Variants in GDAP1 observed in about 807,000 individuals in gnomAD.
GDAP1 encodes ganglioside-induced differentiation-associated protein 1.
In GDAP1, 34 loss-of-function variants were observed where a neutral mutation model predicts 40.1. That is an observed-to-expected ratio of 0.85 (90% CI 0.64 to 1.13). The LOEUF (loss-of-function observed/expected upper bound fraction) is 1.13. Among genes scored for constraint, GDAP1 ranks in the 50% most tolerant of loss-of-function variants. GDAP1 has a pLI of 0.00. For synonymous variants in GDAP1, 170 were observed against 157.4 expected (o/e 1.08, Z -0.60); for missense variants, 374 against 433.7 (o/e 0.86, Z 1.22).
At chr8:74,483,285 A>T (rs187698435) in intron 2 of GDAP1, among the ~76,000 whole-genome samples, 2 of 152,322 alleles carry the variant, frequency 1.3e-5, no homozygotes, top group East Asian at 3.9e-4. Flanking sequence ...ATAAACACAC[A>T]ATAACAGTAG....
chr8:74,413,178 A>G (rs1805737000), intron 2 of GDAP1, among the ~76,000 whole-genome samples: 1 of 148,374 alleles, frequency 6.7e-6, no homozygotes, highest in Non-Finnish European at 1.5e-5. Context: ...CTGTTTCAGG[A>G]TAAGATGAAG....
At chr8:74,465,162 G>C (rs1806452858) in intron 2 of GDAP1, among the ~76,000 whole-genome samples, 1 of 152,094 alleles carries the variant, frequency 6.6e-6, no homozygotes. Context: ...GGAGGTTGCA[G>C]TGAGCTGAGA....
At chr8:74,433,855 A>G (rs1806056505) in intron 2 of GDAP1, among the ~76,000 whole-genome samples, 1 of 152,136 alleles carries the variant, frequency 6.6e-6, no homozygotes, top group Admixed American at 6.6e-5. Flanking sequence ...AACTTTGGAT[A>G]CTGAAGGCCT....
intron 2 of GDAP1, among the ~76,000 whole-genome samples, chr8:74,434,046 C>G (rs1396606907): frequency 6.6e-6 from 1 of 152,178 alleles, no homozygotes; most frequent in African/African-American, 2.4e-5. Context: ...GTACCTTTGC[C>G]TACAGTAAAC....
intron 2 of GDAP1, among the ~76,000 whole-genome samples, chr8:74,399,216 A>G (rs1416565302): frequency 2.0e-5 from 3 of 150,350 alleles, no homozygotes; most frequent in African/African-American, 7.6e-5. Context: ...GATTATTCCC[A>G]CAATTTCAGA....
At chr8:74,404,365 T>C (rs1274103484) in intron 2 of GDAP1, among the ~76,000 whole-genome samples, 3 of 149,560 alleles carry the variant, frequency 2.0e-5, no homozygotes, top group Non-Finnish European at 2.9e-5. Flanking sequence ...ATAGTAATAG[T>C]AATATCATTT....
intron 2 of GDAP1, among the ~76,000 whole-genome samples, chr8:74,401,541 C>A (rs1239199679): frequency 6.7e-6 from 1 of 150,064 alleles, no homozygotes; most frequent in Non-Finnish European, 1.5e-5. Flanking sequence ...CTGAAGCCTT[C>A]TTCTCTCAAC....
At chr8:74,354,016 A>G (rs574573997) in intron 2 of GDAP1, among the ~76,000 whole-genome samples, 1 of 152,276 alleles carries the variant, frequency 6.6e-6, no homozygotes, top group East Asian at 1.9e-4. Context: ...TCTTGATTTA[A>G]GTAGAACATT....
intron 5 of GDAP1, 71 bp from the exon 6 acceptor site, chr8:74,363,914 C>A: frequency 2.3e-6 from 3 of 1,324,584 alleles, no homozygotes; most frequent in Non-Finnish European, 3.3e-6. Context: ...AAGGGTGAGA[C>A]CACTGATACC....
At chr8:74,417,158 A>C (rs755891867) in intron 2 of GDAP1, among the ~76,000 whole-genome samples, 1 of 149,744 alleles carries the variant, frequency 6.7e-6, no homozygotes, top group Non-Finnish European at 1.5e-5. Context: ...GAAAATCCAC[A>C]TAACCAAAAG....
chr8:74,471,684 C>G (rs1395898480), intron 2 of GDAP1, among the ~76,000 whole-genome samples: 6 of 152,206 alleles, frequency 3.9e-5, no homozygotes, highest in Admixed American at 3.3e-4. Flanking sequence ...TTCTCCATCC[C>G]CATCCCCAGA....
At chr8:74,399,423 A>G (rs985564615) in intron 2 of GDAP1, among the ~76,000 whole-genome samples, 1 of 149,282 alleles carries the variant, frequency 6.7e-6, no homozygotes, top group Non-Finnish European at 1.5e-5. Flanking sequence ...TATTGTGTCT[A>G]TTTGATTCTT....
chr8:74,405,997 G>A (rs1430701941), intron 2 of GDAP1, among the ~76,000 whole-genome samples: 1 of 149,988 alleles, frequency 6.7e-6, no homozygotes, highest in East Asian at 1.9e-4. Context: ...TTTCCAAGGA[G>A]TCAAAAATAT....
chr8:74,360,454 GATCCATGA>G (rs2131513280), intron 3 of GDAP1, 144 bp downstream of exon 3: 1 of 752,940 alleles, frequency 1.3e-6, no homozygotes, highest in African/African-American at 1.7e-5. Context: ...GTTATGGATC[GATCCATGA>G]ACCAGTCGGA....
chr8:74,457,465 A>G (rs775418649), intron 2 of GDAP1, among the ~76,000 whole-genome samples: 2 of 152,100 alleles, frequency 1.3e-5, no homozygotes, highest in Non-Finnish European at 2.9e-5. Context: ...AACCTTGGAT[A>G]CTTCCAGTTT....
In GDAP1 at chr8:74,365,012, G is replaced by A. The variant is rs1809554582; in HGVS notation, c.*645G>A. 2.2e-6 allele frequency: 1 copy of A among 454,068 alleles called. No individual in the cohort carries two copies. Among genetic ancestry groups the A allele is most frequent in the South Asian group, 1.6e-5 (1 of 64,464 alleles). The allele number at this position is 454,068 out of a possible 1,614,324, so 28.1% of individuals were successfully genotyped here. A position where few individuals can be genotyped will look rare whatever the true frequency, so the allele number is the denominator to read the frequency against. Reference sequence around the variant, plus strand: ...CAATTTGAATTACCAAGTGGTAATGGTTCCTTACTGTTTTAGATGGTGCCT... The same window carrying A: ...CAATTTGAATTACCAAGTGGTAATGATTCCTTACTGTTTTAGATGGTGCCT... On this transcript the variant is annotated 3_prime_UTR_variant, in exon 6 of 6. Transcript: ENST00000220822.
intron 5 of GDAP1, 35 bp downstream of exon 5, chr8:74,363,088 A>G: frequency 3.2e-6 from 3 of 934,976 alleles, no homozygotes; most frequent in Non-Finnish European, 5.3e-6. Context: ...TCTCTTTTCA[A>G]CATCAGTATT....
chr8:74,370,766 T>A (rs903756341), downstream of GDAP1, among the ~76,000 whole-genome samples: 3 of 152,118 alleles, frequency 2.0e-5, no homozygotes, highest in African/African-American at 7.2e-5. Context: ...TAAACATGCA[T>A]AAACTGAACA....
At chr8:74,402,115 G>A (rs1810353947) in intron 2 of GDAP1, among the ~76,000 whole-genome samples, 1 of 150,282 alleles carries the variant, frequency 6.7e-6, no homozygotes, top group Admixed American at 6.6e-5. Flanking sequence ...GTCTGCAGAG[G>A]TTACTGCTGC....
Sources: gnomAD v4.1 joint callset for allele counts (sites outside exome capture counted in the v4.1 genomes callset) on GRCh38, gnomAD v4.1.1 for gene constraint, MANE v1.5 for transcripts, NCBI Gene and HGNC (gene_info 2026-07-23, HGNC 2026-07-21) for gene names.